Variants in EXOC4 observed in about 807,000 individuals in gnomAD.
EXOC4 encodes the protein exocyst complex component 4.
In EXOC4, 71 loss-of-function variants were observed where a neutral mutation model predicts 107.2. That is an observed-to-expected ratio of 0.66 (90% CI 0.55 to 0.81). The LOEUF (loss-of-function observed/expected upper bound fraction) is 0.81. Ranked by LOEUF, EXOC4 falls within the 30% of genes least tolerant of loss-of-function variation. The pLI is 0.00. For synonymous variants in EXOC4, 456 were observed against 441.2 expected (o/e 1.03, Z -0.42); for missense variants, 1,108 against 1,189.6 (o/e 0.93, Z 1.01).
intron 11 of EXOC4, among the ~76,000 whole-genome samples, chr7:133,846,172 A>C (rs1469398593): frequency 1.3e-5 from 2 of 152,234 alleles, no homozygotes; most frequent in Non-Finnish European, 2.9e-5. Context: ...GCAAGAAGCA[A>C]GCTGAGACTA....
At chr7:133,756,331 A>G (rs1391860660) in intron 10 of EXOC4, among the ~76,000 whole-genome samples, 1 of 152,072 alleles carries the variant, frequency 6.6e-6, no homozygotes, top group Non-Finnish European at 1.5e-5. Flanking sequence ...GTCACTTTTA[A>G]TTTTGATAAT....
intron 17 of EXOC4, among the ~76,000 whole-genome samples, chr7:134,012,971 T>C (rs1270179632): frequency 6.6e-6 from 1 of 152,232 alleles, no homozygotes; most frequent in Admixed American, 6.5e-5. Context: ...AACTGGCTAC[T>C]GGTGGGCTTG....
chr7:133,955,738 G>A lies in EXOC4; in HGVS notation c.2206+17669G>A, dbSNP rs574734016. Among the ~76,000 whole-genome samples, 31 of 152,330 alleles carry A rather than the reference G, an allele frequency of 2.0e-4. No homozygotes were observed. In the South Asian group the frequency reaches 2.5e-3, roughly 12 times the overall value. On this transcript the variant is annotated intron_variant, in intron 14 of 17. Coordinates refer to ENST00000253861, the MANE Select transcript of EXOC4 (RefSeq NM_021807.4). ...ACAGGCCTGCACCATGCTGCCCTCA[G>A]CACCCCATCTGCCTCCCTCCTGACA...
At chr7:133,757,004 G>A (rs1490550108) in intron 10 of EXOC4, among the ~76,000 whole-genome samples, 2 of 152,160 alleles carry the variant, frequency 1.3e-5, no homozygotes, top group Non-Finnish European at 2.9e-5. Context: ...TTAAAAATAT[G>A]TATTAAGGGA....
At chr7:133,400,740 A>G (rs1047340037) in intron 7 of EXOC4, among the ~76,000 whole-genome samples, 3 of 152,000 alleles carry the variant, frequency 2.0e-5, no homozygotes, top group Admixed American at 6.6e-5. Context: ...CTTTCCTTCT[A>G]TCACCCCTTT....
At chr7:133,399,692 C>G (rs1377629149) in intron 7 of EXOC4, among the ~76,000 whole-genome samples, 2 of 152,154 alleles carry the variant, frequency 1.3e-5, no homozygotes, top group Non-Finnish European at 2.9e-5. Context: ...CAAAGTTGTA[C>G]CTTTTCAGAA....
chr7:133,660,725 A>G (rs1030980144), intron 10 of EXOC4, among the ~76,000 whole-genome samples: 1 of 152,148 alleles, frequency 6.6e-6, no homozygotes, highest in African/African-American at 2.4e-5. Context: ...GGGAGACCCA[A>G]TGGTAGTTTT....
chr7:133,504,840 T>C (rs745677090), intron 9 of EXOC4, among the ~76,000 whole-genome samples: 4 of 152,124 alleles, frequency 2.6e-5, no homozygotes, highest in Admixed American at 6.6e-5. Context: ...AAGAATATCC[T>C]ACTCTAGCAG....
chr7:133,594,291 A>G (rs1252213333), intron 9 of EXOC4, among the ~76,000 whole-genome samples: 1 of 152,130 alleles, frequency 6.6e-6, no homozygotes, highest in Non-Finnish European at 1.5e-5. Flanking sequence ...AGATAGAGTA[A>G]AAAAAGAATG....
chr7:133,416,659 T>C (rs1283409390), intron 7 of EXOC4, among the ~76,000 whole-genome samples: 1 of 152,190 alleles, frequency 6.6e-6, no homozygotes, highest in Non-Finnish European at 1.5e-5. Context: ...TCGGTCAATC[T>C]TAGTATTCCC....
intron 17 of EXOC4, among the ~76,000 whole-genome samples, chr7:134,032,183 T>C (rs555230791): frequency 5.9e-5 from 9 of 152,206 alleles, no homozygotes; most frequent in African/African-American, 1.9e-4. Context: ...AAGTTTTTTC[T>C]TATAACTACA....
intron 13 of EXOC4, among the ~76,000 whole-genome samples, chr7:133,936,058 C>T (rs1387424069): frequency 6.6e-6 from 1 of 152,122 alleles, no homozygotes; most frequent in African/African-American, 2.4e-5. Context: ...CCACCCTTGC[C>T]ACTCAAGGAA....
chr7:133,617,496 C>T (rs1180343488), intron 9 of EXOC4, among the ~76,000 whole-genome samples: 2 of 152,092 alleles, frequency 1.3e-5, no homozygotes, highest in Admixed American at 6.6e-5. Context: ...AAACGAACTG[C>T]AGAGAGATAT....
At chr7:133,682,166 G>A (rs1315529374) in intron 10 of EXOC4, among the ~76,000 whole-genome samples, 2 of 152,028 alleles carry the variant, frequency 1.3e-5, no homozygotes, top group Non-Finnish European at 2.9e-5. Context: ...CCAAAGTGCT[G>A]CGATTACAGG....
chr7:133,793,738 A>C (rs1235999564), intron 10 of EXOC4, among the ~76,000 whole-genome samples: 2 of 152,102 alleles, frequency 1.3e-5, no homozygotes, highest in Non-Finnish European at 2.9e-5. Context: ...CCAGCTACCC[A>C]GGAGGCTGAG....
At chr7:133,330,430 G>A (rs1279220947) in intron 5 of EXOC4, among the ~76,000 whole-genome samples, 1 of 152,118 alleles carries the variant, frequency 6.6e-6, no homozygotes, top group Admixed American at 6.5e-5. Context: ...CCAGGGGAGT[G>A]AACGGTTCTG....
intron 7 of EXOC4, among the ~76,000 whole-genome samples, chr7:133,464,017 G>C (rs1354980692): frequency 6.6e-6 from 1 of 152,158 alleles, no homozygotes. Context: ...GAGGCACAGA[G>C]AGGTAATATC....
At chr7:133,850,639 C>T (rs917905017) in intron 11 of EXOC4, among the ~76,000 whole-genome samples, 1 of 150,854 alleles carries the variant, frequency 6.6e-6, no homozygotes, top group Non-Finnish European at 1.5e-5. Flanking sequence ...AGGTTACCCC[C>T]CCACACACAC....
intron 7 of EXOC4, among the ~76,000 whole-genome samples, chr7:133,419,051 G>A (rs760728318): frequency 6.6e-6 from 1 of 152,148 alleles, no homozygotes; most frequent in East Asian, 1.9e-4. Flanking sequence ...TTCAAGGAGT[G>A]TTGTACAGCA....
Sources: allele counts gnomAD v4.1 joint callset (sites outside exome capture counted in the v4.1 genomes callset), GRCh38; gene constraint gnomAD v4.1.1; transcripts MANE v1.5; gene names NCBI Gene and HGNC (gene_info 2026-07-23, HGNC 2026-07-21).